Variants in PCDHA8 observed in about 807,000 individuals in gnomAD.
The protein encoded by PCDHA8 is protocadherin alpha 8, also known as protocadherin alpha-8.
A neutral mutation model predicts 61.8 loss-of-function variants in PCDHA8; 53 were observed. The observed-to-expected ratio is 0.86, with a 90% CI of 0.69 to 1.08. PCDHA8 has a LOEUF of 1.08. Ranked by LOEUF, PCDHA8 falls within the 50% of genes least tolerant of loss-of-function variation. The pLI, the probability that PCDHA8 is intolerant of heterozygous loss-of-function variation, is 0.00. For synonymous variants in PCDHA8, 618 were observed against 556.6 expected (o/e 1.11, Z -1.55); for missense variants, 1,293 against 1,245.0 (o/e 1.04, Z -0.58).
intron 1 of PCDHA8, among the ~76,000 whole-genome samples, chr5:140,961,205 T>A (rs1215243152): frequency 1.3e-5 from 2 of 152,172 alleles, no homozygotes; most frequent in African/African-American, 4.8e-5. Context: ...GAGGTTGGTA[T>A]TGATGAAGAA....
intron 1 of PCDHA8, among the ~76,000 whole-genome samples, chr5:140,901,039 A>G (rs1317910770): frequency 4.6e-5 from 7 of 152,086 alleles, no homozygotes; most frequent in Non-Finnish European, 8.8e-5. Flanking sequence ...TCTTTTGCCC[A>G]TTTTAAAATT....
intron 1 of PCDHA8, among the ~76,000 whole-genome samples, chr5:140,898,214 T>C (rs1285649893): frequency 1.3e-5 from 2 of 152,238 alleles, no homozygotes; most frequent in African/African-American, 4.8e-5. Flanking sequence ...TTTGTCAATT[T>C]TGGCTTTTGT....
At chr5:140,957,689 A>G (rs2095375568) in intron 1 of PCDHA8, among the ~76,000 whole-genome samples, 1 of 152,234 alleles carries the variant, frequency 6.6e-6, no homozygotes. Flanking sequence ...TATCTAGACA[A>G]TGAACATTAT....
At position 140,884,053 on chromosome 5, in the gene PCDHA8, C is replaced by A. The variant is rs782043806; in HGVS notation, c.2394+40338C>A. The stretch of plus-strand genomic sequence containing the variant: ...CAGGCCACGTGGTGGCGAAGGTGCG[C>A]GCGGTGGACGCCGATTCGGGCTACA... On this transcript the variant is annotated intron_variant, in intron 1 of 3. Transcript: ENST00000531613. 10 of 1,613,378 alleles carry A rather than the reference C, an allele frequency of 6.2e-6. No homozygotes were observed. The Admixed American group carries it at 1.2e-4, about 19-fold the overall frequency.
chr5:140,877,432 C>A (rs782574302), intron 1 of PCDHA8: 1 of 1,613,874 alleles, frequency 6.2e-7, no homozygotes, highest in Non-Finnish European at 8.5e-7. Flanking sequence ...GGTGAAGGAC[C>A]ACGGTGAGCC....
chr5:140,928,854 G>A (rs2085594573), intron 1 of PCDHA8: 1 of 1,614,178 alleles, frequency 6.2e-7, no homozygotes, highest in Non-Finnish European at 8.5e-7. Context: ...CTCTGGGTGT[G>A]CTGTTGAGCA....
At chr5:140,877,862 A>T (rs1554170193) in intron 1 of PCDHA8, 1 of 1,505,068 alleles carries the variant, frequency 6.6e-7, no homozygotes, top group East Asian at 2.4e-5. Flanking sequence ...TATTATTTAG[A>T]TATATTTGTT....
rs184181976 is a variant in PCDHA8, at chr5:141,009,882, A to C, written c.2798A>C (p.Lys933Thr). Reference protein sequence around the residue: ...KKKKKKKKGNKTQEKKEKGNS... With the variant: ...KKKKKKKKGNTTQEKKEKGNS... Reference sequence around the variant, plus strand: ...AAGAAGAAAAAGAAGAAGGGTAACAAGACCCAGGAGAAAAAAGAGAAAGGG... The same window carrying C: ...AAGAAGAAAAAGAAGAAGGGTAACACGACCCAGGAGAAAAAAGAGAAAGGG... The change falls in exon 4 of 4, where the codon AAG becomes ACG. Residue 933 changes from lysine (K) to threonine (T), a missense_variant. Physicochemically the swap from Lys to Thr is moderately conservative, Grantham distance 78. Transcript: ENST00000531613. 6.2e-7 allele frequency: 1 copy of C among 1,613,488 alleles called. No homozygotes were observed. Among genetic ancestry groups the C allele is most frequent in the Non-Finnish European group, 8.5e-7 (1 of 1,179,914 alleles).
chr5:140,951,983 A>G (rs1043433314), intron 1 of PCDHA8, among the ~76,000 whole-genome samples: 1 of 152,214 alleles, frequency 6.6e-6, no homozygotes, highest in African/African-American at 2.4e-5. Context: ...CAAAAGGGAA[A>G]AACCAGCCAA....
At chr5:140,987,149 G>C (rs1380803903) in intron 3 of PCDHA8, among the ~76,000 whole-genome samples, 2 of 151,884 alleles carry the variant, frequency 1.3e-5, no homozygotes, top group African/African-American at 4.8e-5. Flanking sequence ...GGGAGGTGGA[G>C]GTTGCAGTGA....
chr5:140,891,481 C>G (rs2063126797), intron 1 of PCDHA8, among the ~76,000 whole-genome samples: 1 of 151,620 alleles, frequency 6.6e-6, no homozygotes, highest in Admixed American at 6.6e-5. Context: ...CTTTACATCA[C>G]TTTGAGCATA....
chr5:140,949,656 GT>G (rs782242887), intron 1 of PCDHA8, among the ~76,000 whole-genome samples: 5 of 151,274 alleles, frequency 3.3e-5, no homozygotes, highest in Non-Finnish European at 7.4e-5. Context: ...TTTTACTTTT[GT>G]TTCTTTAAAG....
At chr5:140,920,611 C>T (rs919244668) in intron 1 of PCDHA8, among the ~76,000 whole-genome samples, 4 of 152,068 alleles carry the variant, frequency 2.6e-5, no homozygotes, top group Non-Finnish European at 5.9e-5. Flanking sequence ...TTTGGGAGGC[C>T]GAGGCGGATG....
At chr5:140,915,446 GT>G (rs2077122918) in intron 1 of PCDHA8, among the ~76,000 whole-genome samples, 1 of 152,184 alleles carries the variant, frequency 6.6e-6, no homozygotes, top group African/African-American at 2.4e-5. Flanking sequence ...TCTTGAGAAG[GT>G]TTTCCAGAAG....
intron 1 of PCDHA8, among the ~76,000 whole-genome samples, chr5:140,904,904 C>G (rs1463349424): frequency 6.6e-6 from 1 of 151,948 alleles, no homozygotes; most frequent in Non-Finnish European, 1.5e-5. Context: ...GTTTTTCTTA[C>G]TGATTTGTTT....
intron 1 of PCDHA8, chr5:140,849,988 G>A (rs2150461736): frequency 1.8e-5 from 29 of 1,597,364 alleles, no homozygotes; most frequent in African/African-American, 4.0e-5. Flanking sequence ...GTGGAGCGGC[G>A]GTTGGGCGAG....
chr5:140,934,349 T>C (rs1466597753), intron 1 of PCDHA8, among the ~76,000 whole-genome samples: 2 of 152,202 alleles, frequency 1.3e-5, no homozygotes, highest in African/African-American at 4.8e-5. Flanking sequence ...CAGTACAGTG[T>C]GGAGCCACTG....
At chr5:140,857,489 G>A (rs1168742927) in intron 1 of PCDHA8, 3 of 1,598,334 alleles carry the variant, frequency 1.9e-6, no homozygotes, top group African/African-American at 1.3e-5. Context: ...TGCGTGGGAC[G>A]CGGACGCGCA....
intron 1 of PCDHA8, chr5:140,928,636 A>G: frequency 6.2e-7 from 1 of 1,614,206 alleles, no homozygotes; most frequent in Non-Finnish European, 8.5e-7. Context: ...CTTGGTCACA[A>G]AAGTGGTAGC....
Sources: allele counts gnomAD v4.1 joint callset (sites outside exome capture counted in the v4.1 genomes callset), GRCh38; gene constraint gnomAD v4.1.1; transcripts MANE v1.5; gene names NCBI Gene and HGNC (gene_info 2026-07-23, HGNC 2026-07-21).